The following TCF12 variants were observed in gnomAD, a reference collection of about 807,000 sequenced individuals.
TCF12 encodes the protein transcription factor 12.
TCF12 carries 45 observed loss-of-function variants against 86.0 expected under a neutral mutation model. That is an observed-to-expected ratio of 0.52 (90% CI 0.41 to 0.67). The LOEUF is 0.67. Ranked by LOEUF, TCF12 falls within the 30% of genes least tolerant of loss-of-function variation. The probability of loss-of-function intolerance (pLI) is 0.00; values close to 1 mark genes in which losing one functional copy is unlikely to be tolerated. For synonymous variants in TCF12, 330 were observed against 299.6 expected, an observed-to-expected ratio of 1.10 and a Z score of -1.05; for missense variants, 881 against 859.9, an observed-to-expected ratio of 1.02 and a Z score of -0.31.
intron 3 of TCF12, among the ~76,000 whole-genome samples, chr15:57,051,507 AGAGAT>A (rs1202631305): frequency 2.0e-5 from 3 of 151,596 alleles, no homozygotes; most frequent in African/African-American, 7.3e-5. Context: ...TTTTTTAAGT[AGAGAT>A]GAGTTCTTGC....
chr15:57,060,820 G>T (rs984168050), intron 3 of TCF12, among the ~76,000 whole-genome samples: 4 of 151,970 alleles, frequency 2.6e-5, no homozygotes, highest in Non-Finnish European at 5.9e-5. Context: ...TCCTTTTTCT[G>T]CTTACCTTGG....
intron 3 of TCF12, among the ~76,000 whole-genome samples, chr15:56,954,118 T>G (rs1424257193): frequency 6.6e-6 from 1 of 152,152 alleles, no homozygotes; most frequent in Non-Finnish European, 1.5e-5. Context: ...GATTGTTATT[T>G]TCATTTAGTT....
chr15:57,223,654 T>TTTTTTTTTTTTTG lies in TCF12; in HGVS notation c.580-7486_580-7485insGTTTTTTTTTTTT, dbSNP rs1566940791. ...TGCCTACCAATGAGGTTTTTTTTTT[T>TTTTTTTTTTTTTG]TTTTTTTTTTTTTTTTTAGAAATAG... On this transcript the variant is annotated intron_variant, in intron 8 of 20. Transcript: ENST00000333725. Among the ~76,000 whole-genome samples, 80 of 129,994 alleles carry TTTTTTTTTTTTTG rather than the reference T, an allele frequency of 6.2e-4. 3 individuals are homozygous for TTTTTTTTTTTTTG. The highest frequency in any genetic ancestry group is 9.3e-4 in the Non-Finnish European group (56 of 60,018). 85.3% of individuals were successfully genotyped at this position (129,994 alleles called of 152,430 possible).
At chr15:57,097,543 A>G (rs1443954088) in intron 5 of TCF12, among the ~76,000 whole-genome samples, 5 of 152,188 alleles carry the variant, frequency 3.3e-5, no homozygotes, top group African/African-American at 9.6e-5. Context: ...ATAATAAAAA[A>G]TAAAAAAAGA....
At chr15:57,051,821 T>C (rs1329780192) in intron 3 of TCF12, among the ~76,000 whole-genome samples, 1 of 152,256 alleles carries the variant, frequency 6.6e-6, no homozygotes, top group Non-Finnish European at 1.5e-5. Flanking sequence ...ATTTTTCATA[T>C]GATGTGAGAT....
rs1268932504 is a variant in TCF12 at position 57,170,664 on chromosome 15, TATATATATATA to T, written c.390+4205_390+4215del. Among the ~76,000 whole-genome samples, 10 of 25,124 alleles carry T rather than the reference TATATATATATA, an allele frequency of 4.0e-4. No homozygotes were observed. In the East Asian group the frequency reaches 0.01, roughly 25 times the overall value. 16.5% of individuals were successfully genotyped at this position (25,124 alleles called of 152,430 possible). On this transcript the variant is annotated intron_variant, in intron 6 of 20. Coordinates refer to ENST00000333725, the MANE Select transcript of TCF12 (RefSeq NM_207037.2). ...TATAATATATATATTATATAAAATA[TATATATATATA>T]ATATATTATATATAATATATATTAT...
intron 3 of TCF12, among the ~76,000 whole-genome samples, chr15:56,980,613 C>G (rs1331454420): frequency 1.3e-5 from 2 of 152,190 alleles, no homozygotes; most frequent in Non-Finnish European, 2.9e-5. Flanking sequence ...GCTGCGCCTG[C>G]TGTTCATAGT....
chr15:57,022,242 G>A (rs753220795), intron 3 of TCF12, among the ~76,000 whole-genome samples: 8 of 151,338 alleles, frequency 5.3e-5, no homozygotes, highest in South Asian at 2.1e-4. Flanking sequence ...GATAGGTCCC[G>A]GTGTGTGATG....
At chr15:57,263,058 A>G (rs2060661889) in intron 17 of TCF12, 54 bp from the exon 18 acceptor site, 3 of 1,548,788 alleles carry the variant, frequency 1.9e-6, no homozygotes, top group Non-Finnish European at 2.6e-6. Flanking sequence ...TCTTAGCTGT[A>G]ATTCATATAT....
Position 56,983,858 on chromosome 15 carries a change from C to T in TCF12, c.148+62760C>T, listed in dbSNP as rs569039958. Among the ~76,000 whole-genome samples the T allele has an allele frequency of 9.9e-5, 15 of 151,322 alleles. No homozygotes were observed. In the East Asian group the frequency reaches 1.8e-3, roughly 18 times the overall value. ...CTACAAAAATAAAAATGAAATCAGCCGGGTAGGGTGGCACATGCCTGTCAT... is the reference window on the plus strand; with the variant it reads ...CTACAAAAATAAAAATGAAATCAGCTGGGTAGGGTGGCACATGCCTGTCAT... On this transcript the variant is annotated intron_variant, in intron 3 of 20. Coordinates refer to ENST00000333725, the MANE Select transcript of TCF12 (RefSeq NM_207037.2).
chr15:57,151,815 A>G (rs2053781715), intron 5 of TCF12, among the ~76,000 whole-genome samples: 1 of 152,038 alleles, frequency 6.6e-6, no homozygotes, highest in African/African-American at 2.4e-5. Context: ...AACTTTTTTG[A>G]ACCCTTCAAA....
chr15:57,184,428 A>G (rs1350743827), intron 6 of TCF12, among the ~76,000 whole-genome samples: 2 of 152,166 alleles, frequency 1.3e-5, no homozygotes, highest in East Asian at 3.8e-4. Context: ...TGTAAGGGAC[A>G]CTGTTGAGAG....
intron 8 of TCF12, among the ~76,000 whole-genome samples, chr15:57,200,514 A>G (rs1289349715): frequency 1.3e-5 from 2 of 152,166 alleles, no homozygotes; most frequent in African/African-American, 4.8e-5. Context: ...TCCAAACCAT[A>G]TTGGAAATTT....
rs2064650060 is a variant in TCF12, at chr15:57,008,923, T to A, written c.149-54827T>A. Among the ~76,000 whole-genome samples, 4 of 152,186 alleles carry A rather than the reference T, an allele frequency of 2.6e-5. 1 individual carries two copies. The South Asian group carries it at 8.3e-4, about 31-fold the overall frequency. On this transcript the variant is annotated intron_variant, in intron 3 of 20. Coordinates refer to ENST00000333725, the MANE Select transcript of TCF12 (RefSeq NM_207037.2). ...ATTAAGAGGTAACTTTGTGGAAAAT[T>A]TACCTTTGTTTGGATAAGCAAAGTC... is the stretch of plus-strand genomic sequence containing the variant.
chr15:57,136,908 C>T (rs2052561236), intron 5 of TCF12, among the ~76,000 whole-genome samples: 3 of 149,632 alleles, frequency 2.0e-5, no homozygotes, highest in Non-Finnish European at 4.4e-5. Flanking sequence ...GCCTTGTCCT[C>T]CCAATATGCT....
chr15:57,072,837 G>C (rs1596389300), intron 4 of TCF12: 2 of 569,396 alleles, frequency 3.5e-6, no homozygotes, highest in East Asian at 8.4e-5. Flanking sequence ...GTGTTTTAAA[G>C]TTAGGTTTAA....
intron 18 of TCF12, among the ~76,000 whole-genome samples, chr15:57,267,933 A>G (rs1243581261): frequency 1.3e-5 from 2 of 152,252 alleles, no homozygotes; most frequent in African/African-American, 4.8e-5. Flanking sequence ...AAAATGATGC[A>G]TGTAAAACCC....
At chr15:57,209,886 C>T (rs1281505515) in intron 8 of TCF12, among the ~76,000 whole-genome samples, 1 of 152,178 alleles carries the variant, frequency 6.6e-6, no homozygotes, top group Non-Finnish European at 1.5e-5. Flanking sequence ...AGATGTCAAG[C>T]ACACTCCTAC....
At chr15:56,991,212 G>A (rs1053775857) in intron 3 of TCF12, among the ~76,000 whole-genome samples, 1 of 152,160 alleles carries the variant, frequency 6.6e-6, no homozygotes, top group Non-Finnish European at 1.5e-5. Flanking sequence ...CACATATTCA[G>A]TTGATTTTCA....
Sources: gnomAD v4.1 joint callset for allele counts (sites outside exome capture counted in the v4.1 genomes callset) on GRCh38, gnomAD v4.1.1 for gene constraint, MANE v1.5 for transcripts, NCBI Gene and HGNC (gene_info 2026-07-23, HGNC 2026-07-21) for gene names.